REV3L: variants seen among roughly 807,000 people sequenced by gnomAD.
The protein encoded by REV3L is REV3 like, DNA directed polymerase zeta catalytic subunit, also known as DNA polymerase zeta catalytic subunit.
In REV3L, 69 loss-of-function variants were observed where a neutral mutation model predicts 299.4. The ratio of observed to expected loss-of-function variants is 0.23; its 90% CI spans 0.19 to 0.28. The LOEUF (loss-of-function observed/expected upper bound fraction) is 0.28, where lower values mean the gene tolerates loss of function less well. Among genes scored for constraint, REV3L ranks in the 10% least tolerant of loss-of-function variants. The pLI is 1.00. For synonymous variants in REV3L, 1,238 were observed against 1,271.4 expected, an observed-to-expected ratio of 0.97 and a Z score of 0.56; for missense variants, 3,128 against 3,693.8, an observed-to-expected ratio of 0.85 and a Z score of 3.97.
intron 26 of REV3L, among the ~76,000 whole-genome samples, chr6:111,316,083 T>C (rs1456236191): frequency 6.6e-6 from 1 of 151,588 alleles, no homozygotes; most frequent in Non-Finnish European, 1.5e-5. Context: ...TACTAAAATA[T>C]AAAAATTAGC....
At chr6:111,422,287 C>A (rs1785443926) in intron 1 of REV3L, among the ~76,000 whole-genome samples, 1 of 151,782 alleles carries the variant, frequency 6.6e-6, no homozygotes, top group Non-Finnish European at 1.5e-5. Context: ...AAGAATACAC[C>A]ACAGCCATTT....
At chr6:111,398,142 C>T (rs1425778356) in intron 4 of REV3L, among the ~76,000 whole-genome samples, 1 of 151,666 alleles carries the variant, frequency 6.6e-6, no homozygotes, top group African/African-American at 2.4e-5. Context: ...TATGTGGGTG[C>T]TCTGGTGTTG....
intron 1 of REV3L, among the ~76,000 whole-genome samples, chr6:111,416,899 C>G (rs1036163962): frequency 6.6e-6 from 1 of 151,870 alleles, no homozygotes; most frequent in Non-Finnish European, 1.5e-5. Context: ...AAGAGCCTTC[C>G]CTAAAAGAGA....
rs761848443 is a variant in REV3L at position 111,482,891 on chromosome 6, TCGC to T, written c.-6_-4del. ...GTCACTATCCTTACTGAAAACATGT[TCGC>T]CGCCGCCGCCACTGCCTCCCTTCAC... On this transcript the variant is annotated 5_prime_UTR_variant, in exon 1 of 32. Transcript: ENST00000368802. 5.9e-6 allele frequency: 9 copies of T among 1,512,728 alleles called. No individual in the cohort carries two copies. In the Admixed American group the frequency reaches 7.7e-5, roughly 13 times the overall value. 93.7% of individuals were successfully genotyped at this position (1,512,728 alleles called of 1,614,324 possible).
chr6:111,450,466 A>G (rs1374582056), intron 1 of REV3L, among the ~76,000 whole-genome samples: 2 of 136,176 alleles, frequency 1.5e-5, no homozygotes, highest in Non-Finnish European at 3.1e-5. Context: ...GTGACAGAGC[A>G]AGACCCTGTC....
At chr6:111,483,269 G>T (rs891261615), upstream of REV3L, 49 of 483,454 alleles carry the variant, frequency 1.0e-4, no homozygotes, top group African/African-American at 1.2e-4. Flanking sequence ...GGCGAAGGGA[G>T]GCTGCGAGTA....
chr6:111,431,078 C>T lies in REV3L; in HGVS notation c.140-14606G>A, dbSNP rs911900243. The T allele has an allele frequency of 8.0e-6, 12 of 1,494,950 alleles. No homozygotes were observed. In the African/African-American group the frequency reaches 1.7e-4, roughly 21 times the overall value. The allele number at this position is 1,494,950 out of a possible 1,614,324, so 92.6% of individuals were successfully genotyped here. On this transcript the variant is annotated intron_variant, in intron 1 of 31. Coordinates refer to ENST00000368802, the MANE Select transcript of REV3L (RefSeq NM_001372078.1). ...GCACCGCATTATGACTCCACATATG[C>T]AAATATCAACAAGAATGATTCTGAT...
At chr6:111,464,282 G>A (rs1791151710) in intron 1 of REV3L, among the ~76,000 whole-genome samples, 2 of 152,110 alleles carry the variant, frequency 1.3e-5, no homozygotes, top group Admixed American at 1.3e-4. Flanking sequence ...AGTTCTTTAT[G>A]CTAGGGAAGG....
At chr6:111,325,266 T>C (rs997766795) in intron 25 of REV3L, among the ~76,000 whole-genome samples, 1 of 152,226 alleles carries the variant, frequency 6.6e-6, no homozygotes, top group African/African-American at 2.4e-5. Flanking sequence ...GGCACAAATA[T>C]ACCTTTATCA....
intron 30 of REV3L, 80 bp from the exon 31 acceptor site, chr6:111,307,650 C>G (rs1772467802): frequency 1.5e-6 from 2 of 1,312,870 alleles, no homozygotes; most frequent in Admixed American, 1.8e-5. Context: ...TACAGGTTTA[C>G]TCAGGCATTC....
intron 30 of REV3L, among the ~76,000 whole-genome samples, chr6:111,308,971 C>T (rs994386858): frequency 3.3e-5 from 5 of 152,148 alleles, no homozygotes; most frequent in Admixed American, 6.5e-5. Flanking sequence ...GCAGGGTGTG[C>T]GAGAGGGACA....
chr6:111,324,464 C>CT (rs1774518419), intron 25 of REV3L, among the ~76,000 whole-genome samples: 1 of 152,154 alleles, frequency 6.6e-6, no homozygotes, highest in Non-Finnish European at 1.5e-5. Context: ...ACAAGGTCAA[C>CT]TTTTAAATAT....
intron 1 of REV3L, among the ~76,000 whole-genome samples, chr6:111,465,927 A>G (rs1460579700): frequency 6.6e-6 from 1 of 152,102 alleles, no homozygotes; most frequent in African/African-American, 2.4e-5. Context: ...TAAGAAATGA[A>G]TTAGTCTTTT....
intron 2 of REV3L, among the ~76,000 whole-genome samples, chr6:111,415,843 C>A: frequency 6.6e-6 from 1 of 152,164 alleles, no homozygotes. Flanking sequence ...TTTCCTTCCA[C>A]ACGACTAATT....
At chr6:111,398,279 C>T (rs1299513489) in intron 4 of REV3L, among the ~76,000 whole-genome samples, 3 of 151,672 alleles carry the variant, frequency 2.0e-5, no homozygotes, top group Non-Finnish European at 4.4e-5. Flanking sequence ...TGACTAGTTA[C>T]TAAAATTGTA....
intron 1 of REV3L, among the ~76,000 whole-genome samples, chr6:111,470,066 AAC>A (rs1202168343): frequency 6.6e-6 from 1 of 152,166 alleles, no homozygotes; most frequent in Non-Finnish European, 1.5e-5. Flanking sequence ...TCACCTTGTA[AAC>A]ACAAATACAT....
At chr6:111,413,473 G>A (rs1224983655) in intron 2 of REV3L, among the ~76,000 whole-genome samples, 2 of 152,110 alleles carry the variant, frequency 1.3e-5, no homozygotes, top group African/African-American at 2.4e-5. Flanking sequence ...AATCATGAGT[G>A]AGAAGGAATC....
chr6:111,348,395 C>T (rs1034864501), intron 20 of REV3L, among the ~76,000 whole-genome samples: 2 of 152,130 alleles, frequency 1.3e-5, no homozygotes, highest in Admixed American at 1.3e-4. Flanking sequence ...ATTGAAATTA[C>T]TCTACTAAAA....
At chr6:111,439,554 C>A (rs1452020236) in intron 1 of REV3L, among the ~76,000 whole-genome samples, 1 of 152,210 alleles carries the variant, frequency 6.6e-6, no homozygotes, top group Non-Finnish European at 1.5e-5. Flanking sequence ...GAAAAAGCTA[C>A]ATAAGTGGGT....
Sources: gnomAD v4.1 joint callset for allele counts (sites outside exome capture counted in the v4.1 genomes callset) on GRCh38, gnomAD v4.1.1 for gene constraint, MANE v1.5 for transcripts, NCBI Gene and HGNC (gene_info 2026-07-23, HGNC 2026-07-21) for gene names.